Variants in PRKAR1A observed in about 807,000 individuals in gnomAD.
PRKAR1A encodes protein kinase cAMP-dependent type I regulatory subunit alpha.
Under a neutral mutation model 52.0 loss-of-function variants are expected in PRKAR1A, and 3 were observed. The ratio of observed to expected loss-of-function variants is 0.06; its 90% confidence interval spans 0.03 to 0.15. The LOEUF is 0.15. Among genes scored for constraint, PRKAR1A ranks in the 10% least tolerant of loss-of-function variants. The pLI is 1.00. For synonymous variants in PRKAR1A, 188 were observed against 168.4 expected, an observed-to-expected ratio of 1.12 and a Z score of -0.90; for missense variants, 240 against 477.4, an observed-to-expected ratio of 0.50 and a Z score of 4.63.
At chr17:68,540,115 G>A in intron 11 of PRKAR1A, 1 of 727,900 alleles carries the variant, frequency 1.4e-6, no homozygotes, top group Non-Finnish European at 2.5e-6. Flanking sequence ...ATTTCCTCAG[G>A]GCCATCAGTG....
the PRKAR1A span, among the ~76,000 whole-genome samples, chr17:68,463,314 C>T: frequency 6.6e-6 from 1 of 152,206 alleles, no homozygotes; most frequent in Non-Finnish European, 1.5e-5. Flanking sequence ...AACCTCTTTA[C>T]TGTCTATAAA....
At chr17:68,420,125 T>C in the PRKAR1A span, 12 of 1,564,678 alleles carry the variant, frequency 7.7e-6, no homozygotes, top group Middle Eastern at 2.3e-4. Context: ...CTCGCAGCTC[T>C]CGTCTTTACA....
At chr17:68,495,534 CT>C in the PRKAR1A span, among the ~76,000 whole-genome samples, 31 of 152,314 alleles carry the variant, frequency 2.0e-4, no homozygotes, top group African/African-American at 7.0e-4. Flanking sequence ...AAATTTACCT[CT>C]GATGGTGCTT....
intron 1 of PRKAR1A, among the ~76,000 whole-genome samples, chr17:68,513,604 G>A (rs2085339901): frequency 6.6e-6 from 1 of 152,318 alleles, no homozygotes; most frequent in East Asian, 1.9e-4. Flanking sequence ...TGTGGGGAGG[G>A]AAGGCTAGGT....
At chr17:68,486,502 CTTCCTTCTTTCTTTCTTTCTTTCTTTCT>C in the PRKAR1A span, among the ~76,000 whole-genome samples, 57 of 43,350 alleles carry the variant, frequency 1.3e-3, no homozygotes, top group Middle Eastern at 0.054. Context: ...TCCTTCCTTC[CTTCCTTCTTTCTTTCTTTCTTTCTTTCT>C]TTCTTTCTTT....
chr17:68,478,217 G>A, the PRKAR1A span, among the ~76,000 whole-genome samples: 1 of 152,264 alleles, frequency 6.6e-6, no homozygotes, highest in Non-Finnish European at 1.5e-5. Context: ...ACTTTGGGGG[G>A]CCGAGGGGGG....
chr17:68,541,692 A>G, intron 11 of PRKAR1A: 1 of 328,966 alleles, frequency 3.0e-6, no homozygotes. Context: ...ATCTGGCTAC[A>G]TGTCTGTTCT....
At chr17:68,498,942 C>T in the PRKAR1A span, among the ~76,000 whole-genome samples, 1 of 152,200 alleles carries the variant, frequency 6.6e-6, no homozygotes, top group African/African-American at 2.4e-5. Context: ...CGTTCACACC[C>T]CAGCTCTGCC....
At chr17:68,522,622 G>A in intron 2 of PRKAR1A, 134 bp from the exon 3 acceptor site, 1 of 952,258 alleles carries the variant, frequency 1.1e-6, no homozygotes, top group Non-Finnish European at 1.6e-6. Flanking sequence ...TTTGGAATTG[G>A]TGTTTTCCTC....
chr17:68,435,755 G>A, the PRKAR1A span: 1 of 1,580,340 alleles, frequency 6.3e-7, no homozygotes, highest in Non-Finnish European at 8.7e-7. Context: ...CTGCGGAGGA[G>A]GGAAGATGGA....
chr17:68,448,218 G>A, the PRKAR1A span: 4 of 152,216 alleles, frequency 2.6e-5, no homozygotes, highest in African/African-American at 7.2e-5. Context: ...TGGCAAGAGA[G>A]GCTGCAGCAG....
chr17:68,507,571 C>T (rs1184027967), upstream of PRKAR1A, among the ~76,000 whole-genome samples: 3 of 152,166 alleles, frequency 2.0e-5, no homozygotes, highest in African/African-American at 4.8e-5. Context: ...ATAGGTGCAG[C>T]AAACCACCAT....
intron 1 of PRKAR1A, chr17:68,512,841 G>C (rs918332764): frequency 6.6e-6 from 1 of 151,630 alleles, no homozygotes; most frequent in Non-Finnish European, 1.5e-5. Flanking sequence ...GGCCCTCCGC[G>C]GCCCTCCCCG....
chr17:68,426,245 G>C, the PRKAR1A span: 90 of 948,054 alleles, frequency 9.5e-5, no homozygotes, highest in Non-Finnish European at 1.2e-4. Context: ...TGGCGGGTGG[G>C]GAGCGGGGGC....
At chr17:68,522,691 G>C in intron 2 of PRKAR1A, 65 bp from the exon 3 acceptor site, 2 of 1,532,244 alleles carry the variant, frequency 1.3e-6, no homozygotes, top group Non-Finnish European at 1.8e-6. Flanking sequence ...ACTATCATTG[G>C]AACATGAGAG....
chr17:68,500,667 C>A, the PRKAR1A span, among the ~76,000 whole-genome samples: 4 of 152,214 alleles, frequency 2.6e-5, no homozygotes, highest in Admixed American at 2.6e-4. Context: ...GTGCCCACCA[C>A]CACGCCCGGC....
At chr17:68,426,254 G>GGGGGGGGGGGCCCCCCCCC in the PRKAR1A span, 1 of 816,910 alleles carries the variant, frequency 1.2e-6, no homozygotes. Context: ...GGGAGCGGGG[G>GGGGGGGGGGGCCCCCCCCC]CTCAAATAAA....
chr17:68,426,869 C>T, the PRKAR1A span, among the ~76,000 whole-genome samples: 1 of 152,174 alleles, frequency 6.6e-6, no homozygotes, highest in African/African-American at 2.4e-5. Flanking sequence ...AGGGTTAACA[C>T]CACTTGTTAG....
intron 11 of PRKAR1A, chr17:68,542,923 C>T: frequency 1.3e-6 from 1 of 799,858 alleles, no homozygotes; most frequent in East Asian, 2.6e-5. Context: ...AGGAGGGTGG[C>T]CGGTGAGGCG....
Sources: gnomAD v4.1 joint callset for allele counts (sites outside exome capture counted in the v4.1 genomes callset) on GRCh38, gnomAD v4.1.1 for gene constraint, MANE v1.5 for transcripts, NCBI Gene and HGNC (gene_info 2026-07-23, HGNC 2026-07-21) for gene names.